DENND11: variants seen among roughly 807,000 people sequenced by gnomAD.
DENND11 encodes the protein DENN domain-containing protein 11.
DENND11 carries 34 observed loss-of-function variants against 49.2 expected under a neutral mutation model. The ratio of observed to expected loss-of-function variants is 0.69; its 90% CI spans 0.53 to 0.92. DENND11 has a LOEUF of 0.92. DENND11 is among the 40% of genes least tolerant of loss of function. DENND11 has a pLI of 0.00. For synonymous variants in DENND11, 238 were observed against 230.3 expected, an observed-to-expected ratio of 1.03 and a Z score of -0.30; for missense variants, 475 against 581.6, an observed-to-expected ratio of 0.82 and a Z score of 1.88.
intron 3 of DENND11, among the ~76,000 whole-genome samples, chr7:141,674,609 T>C (rs1460806132): frequency 6.6e-6 from 1 of 152,158 alleles, no homozygotes; most frequent in Non-Finnish European, 1.5e-5. Context: ...AGCCTAAAAT[T>C]CCCTGCTTAA....
chr7:141,690,949 TAA>T (rs1798318040), intron 1 of DENND11, among the ~76,000 whole-genome samples: 2 of 152,156 alleles, frequency 1.3e-5, no homozygotes, highest in Admixed American at 1.3e-4. Flanking sequence ...AGGAGTATCT[TAA>T]GAGACTAATT....
At chr7:141,701,726 AC>A in intron 1 of DENND11, 159 bp downstream of exon 1, 3 of 517,166 alleles carry the variant, frequency 5.8e-6, no homozygotes, top group South Asian at 1.9e-4. Context: ...GGACTGGCCG[AC>A]CCCCGCCCTT....
chr7:141,662,884 GC>G, intron 8 of DENND11, 33 bp from the exon 9 acceptor site: 2 of 1,478,150 alleles, frequency 1.4e-6, no homozygotes, highest in South Asian at 1.4e-5. Flanking sequence ...AGGAAAGGAA[GC>G]GGGGGGGAAT....
chr7:141,678,030 T>G (rs1798092320), intron 3 of DENND11, among the ~76,000 whole-genome samples: 1 of 151,944 alleles, frequency 6.6e-6, no homozygotes, highest in Admixed American at 6.6e-5. Context: ...TGGTGCAATC[T>G]CAGCTCACCG....
intron 1 of DENND11, among the ~76,000 whole-genome samples, chr7:141,697,086 G>A (rs1798425744): frequency 6.6e-6 from 1 of 152,062 alleles, no homozygotes; most frequent in African/African-American, 2.4e-5. Context: ...AGTGTGGTGT[G>A]GATAAGGGGT....
At chr7:141,693,145 G>T (rs541892385) in intron 1 of DENND11, among the ~76,000 whole-genome samples, 1 of 152,198 alleles carries the variant, frequency 6.6e-6, no homozygotes, top group East Asian at 1.9e-4. Flanking sequence ...AATATACGAA[G>T]AATTCATAAA....
chr7:141,687,932 C>A (rs1009538766), intron 1 of DENND11, among the ~76,000 whole-genome samples: 2 of 152,148 alleles, frequency 1.3e-5, no homozygotes, highest in Non-Finnish European at 1.5e-5. Context: ...CCGCACCCGG[C>A]CATGCCCAGC....
chr7:141,699,916 T>A (rs926221910), intron 1 of DENND11, among the ~76,000 whole-genome samples: 36 of 146,892 alleles, frequency 2.5e-4, no homozygotes, highest in African/African-American at 8.2e-4. Context: ...AAACCATCAC[T>A]CACACACACA....
At chr7:141,689,029 G>A (rs375737181) in intron 1 of DENND11, among the ~76,000 whole-genome samples, 1 of 152,078 alleles carries the variant, frequency 6.6e-6, no homozygotes, top group African/African-American at 2.4e-5. Context: ...CACATTACGG[G>A]GTTCAGCTAG....
intron 3 of DENND11, among the ~76,000 whole-genome samples, chr7:141,675,163 C>A (rs996553309): frequency 1.3e-5 from 2 of 152,166 alleles, no homozygotes; most frequent in East Asian, 1.9e-4. Flanking sequence ...CATAGACACA[C>A]ACATACAGCA....
intron 4 of DENND11, among the ~76,000 whole-genome samples, chr7:141,668,034 G>A (rs2117054665): frequency 6.6e-6 from 1 of 152,370 alleles, no homozygotes; most frequent in Admixed American, 6.5e-5. Flanking sequence ...GGGTGCCAAA[G>A]CACGTGCCGG....
In DENND11 at chr7:141,685,461, G is replaced by A. The variant is rs1268405704; in HGVS notation, c.527+17C>T. 2.5e-6 allele frequency: 4 copies of A among 1,613,302 alleles called. No homozygotes were observed. In the Admixed American group the frequency reaches 6.7e-5, roughly 27 times the overall value. ...TGGATCCTGCTGCCTCCCTGCACAT[G>A]TACGGAAGCCACGTACCGAACCTGG... On this transcript the variant is annotated intron_variant, in intron 3 of 8. Coordinates refer to ENST00000536163, the MANE Select transcript of DENND11 (RefSeq NM_001080392.2).
At chr7:141,695,145 T>C (rs900231608) in intron 1 of DENND11, among the ~76,000 whole-genome samples, 2 of 152,242 alleles carry the variant, frequency 1.3e-5, no homozygotes, top group African/African-American at 4.8e-5. Context: ...CTGTGATTTT[T>C]ACTTCATGAT....
At chr7:141,700,563 A>G (rs1226660887) in intron 1 of DENND11, among the ~76,000 whole-genome samples, 2 of 152,098 alleles carry the variant, frequency 1.3e-5, no homozygotes, top group Non-Finnish European at 1.5e-5. Flanking sequence ...TTTCAGTTAC[A>G]TAAGTACTGT....
chr7:141,663,638 TG>T (rs1269514125), intron 8 of DENND11: 5 of 152,728 alleles, frequency 3.3e-5, no homozygotes, highest in African/African-American at 1.2e-4. Flanking sequence ...ACCTCACCCC[TG>T]GAAGACCAAA....
chr7:141,698,236 G>T (rs1246898223), intron 1 of DENND11, among the ~76,000 whole-genome samples: 1 of 152,252 alleles, frequency 6.6e-6, no homozygotes, highest in Non-Finnish European at 1.5e-5. Context: ...GGGGGCAGGG[G>T]TGCTCCCCAA....
chr7:141,697,458 G>A (rs1467965346), intron 1 of DENND11, among the ~76,000 whole-genome samples: 2 of 152,182 alleles, frequency 1.3e-5, no homozygotes, highest in South Asian at 4.2e-4. Context: ...GAAATACAGG[G>A]GAAGGATGGC....
intron 1 of DENND11, among the ~76,000 whole-genome samples, chr7:141,696,646 A>T (rs1330706088): frequency 6.6e-6 from 1 of 152,172 alleles, no homozygotes; most frequent in Non-Finnish European, 1.5e-5. Context: ...ATCTGTGTAT[A>T]CATATGCCCT....
chr7:141,692,451 T>C (rs761551707), intron 1 of DENND11, among the ~76,000 whole-genome samples: 10 of 152,080 alleles, frequency 6.6e-5, no homozygotes, highest in African/African-American at 1.7e-4. Flanking sequence ...TGGAACAGAA[T>C]AGAGAGCCTT....
Sources: gnomAD v4.1 joint callset for allele counts (sites outside exome capture counted in the v4.1 genomes callset) on GRCh38, gnomAD v4.1.1 for gene constraint, MANE v1.5 for transcripts, NCBI Gene and HGNC (gene_info 2026-07-23, HGNC 2026-07-21) for gene names.